The following BCORL1 variants were observed in gnomAD, a reference collection of about 807,000 sequenced individuals.
BCORL1 encodes BCL-6 corepressor-like protein 1.
BCORL1 carries 7 observed loss-of-function variants against 87.6 expected under a neutral mutation model. The observed-to-expected ratio is 0.08, with a 90% CI of 0.05 to 0.15. The LOEUF (loss-of-function observed/expected upper bound fraction) is 0.15. Ranked by LOEUF, BCORL1 falls within the 10% of genes least tolerant of loss-of-function variation. The probability of loss-of-function intolerance (pLI) is 1.00; values close to 1 mark genes in which losing one functional copy is unlikely to be tolerated. For synonymous variants in BCORL1, 591 were observed against 634.4 expected (o/e 0.93, Z 1.03); for missense variants, 1,215 against 1,499.7 (o/e 0.81, Z 3.13).
At chrX:129,983,277 G>T (rs1398729297) in intron 1 of BCORL1, among the ~76,000 whole-genome samples, 1 of 109,405 alleles carries the variant, frequency 9.1e-6, no homozygotes. Flanking sequence ...GTTGATCCTG[G>T]GGGGGAAACC....
At chrX:130,011,002 TAAAAAAAAAAAAAAA>T (rs1186630415) in intron 2 of BCORL1, among the ~76,000 whole-genome samples, 25 of 19,091 alleles carry the variant, frequency 1.3e-3, no homozygotes, top group East Asian at 5.5e-3. Context: ...AGATTCAATC[TAAAAAAAAAAAAAAA>T]AAAAAAAAAA....
chrX:130,029,128 G>C (rs963094207), intron 8 of BCORL1, among the ~76,000 whole-genome samples: 18 of 112,032 alleles, frequency 1.6e-4, no homozygotes, highest in Non-Finnish European at 3.2e-4. Context: ...CAGGATGTTA[G>C]CTTGAGTAGC....
rs1167221282 is a variant in BCORL1, at chrX:130,014,660, C to T, written c.1888C>T (p.Arg630Cys). 3 of 1,209,254 alleles carry T rather than the reference C, an allele frequency of 2.5e-6. No homozygotes were observed. The highest frequency in any genetic ancestry group is 3.0e-5 in the East Asian group (1 of 33,726). The change falls in exon 4 of 14, where the codon CGC (arginine) becomes TGC (cysteine). Residue 630 changes from arginine (R) to cysteine (C), a missense_variant. Physicochemically the swap from Arg to Cys is radical, Grantham distance 180. Around this residue, in one of 5 missense-constraint regions of BCORL1, gnomAD observed 861 missense variants for 1,010.0 expected, o/e 0.85. Transcript: ENST00000540052. ...MPLDLSSKSN[R>C]QKLPLPNQRK... ...CCTTGATCTGTCCTCCAAGTCCAACCGCCAGAAGCTTCCATTGCCGAACCA... is the reference window on the plus strand; with the variant it reads ...CCTTGATCTGTCCTCCAAGTCCAACTGCCAGAAGCTTCCATTGCCGAACCA...
At chrX:130,051,346 A>T (rs1485785598) in intron 12 of BCORL1, among the ~76,000 whole-genome samples, 2 of 111,240 alleles carry the variant, frequency 1.8e-5, no homozygotes, top group African/African-American at 6.5e-5. Context: ...GGAAACACCC[A>T]CTCCTACCCT....
intron 7 of BCORL1, 60 bp downstream of exon 7, chrX:130,025,439 G>A: frequency 9.4e-7 from 1 of 1,065,018 alleles, no homozygotes; most frequent in Non-Finnish European, 1.3e-6. Context: ...GGAACCCTCG[G>A]GCATCTCTAC....
intron 6 of BCORL1, 69 bp downstream of exon 6, chrX:130,023,046 G>C: frequency 1.0e-6 from 1 of 977,111 alleles, no homozygotes; most frequent in Middle Eastern, 2.6e-4. Flanking sequence ...ATCTGGTTGA[G>C]CAGTTTTACC....
chrX:130,023,717 T>C (rs1333338076), intron 6 of BCORL1, among the ~76,000 whole-genome samples: 3 of 112,499 alleles, frequency 2.7e-5, no homozygotes, highest in Non-Finnish European at 5.6e-5. Flanking sequence ...GTCCTCTGAA[T>C]TATCAAAGAG....
chrX:130,016,325 C>T, intron 4 of BCORL1, 112 bp downstream of exon 4: 1 of 947,775 alleles, frequency 1.1e-6, no homozygotes, highest in Non-Finnish European at 1.4e-6. Context: ...TGTTGGGCAG[C>T]TGTGTGAACT....
chrX:129,987,257 C>T (rs1926708371), intron 1 of BCORL1, among the ~76,000 whole-genome samples: 1 of 111,571 alleles, frequency 9.0e-6, no homozygotes, highest in African/African-American at 3.3e-5. Context: ...GAAATACAAG[C>T]ATATTTATCC....
chrX:130,021,673 T>G (rs1011103776), intron 5 of BCORL1, among the ~76,000 whole-genome samples: 19 of 111,829 alleles, frequency 1.7e-4, no homozygotes, highest in African/African-American at 6.2e-4. Flanking sequence ...GTTTTGCCAC[T>G]AATAGTTTCT....
intron 11 of BCORL1, among the ~76,000 whole-genome samples, chrX:130,041,209 A>G (rs1931287728): frequency 9.3e-6 from 1 of 107,194 alleles, no homozygotes; most frequent in Admixed American, 1.0e-4. Context: ...TGTCTCTACA[A>G]AAAAATTTAA....
intron 11 of BCORL1, among the ~76,000 whole-genome samples, chrX:130,047,847 G>A (rs1931851354): frequency 9.0e-6 from 1 of 111,565 alleles, no homozygotes; most frequent in African/African-American, 3.3e-5. Context: ...CATGGTCCCT[G>A]TCTTTTTAGA....
At chrX:130,034,712 G>T (rs1182333772) in intron 9 of BCORL1, 36 bp downstream of exon 9, 1 of 923,096 alleles carries the variant, frequency 1.1e-6, no homozygotes, top group Admixed American at 3.1e-5. Context: ...GGGCGCCGTT[G>T]GTCTGAGCAT....
intron 13 of BCORL1, among the ~76,000 whole-genome samples, chrX:130,055,405 A>G (rs1603186302): frequency 1.8e-5 from 2 of 112,821 alleles, no homozygotes; most frequent in African/African-American, 6.4e-5. Flanking sequence ...CAAGGAGGCC[A>G]GGGAAGCAAG....
At chrX:130,023,103 G>A in intron 6 of BCORL1, 126 bp downstream of exon 6, 1 of 585,370 alleles carries the variant, frequency 1.7e-6, no homozygotes, top group Non-Finnish European at 2.8e-6. Flanking sequence ...GTGCCACAAT[G>A]CCCAGCTCCT....
At position 130,015,195 on chromosome X, in the gene BCORL1, C is replaced by T. The variant is rs374822433; in HGVS notation, c.2423C>T (p.Thr808Met). The part of the protein sequence containing the change: ...QTKELSLWKP[T>M]GPANIYPRCS... ...AAGGAACTCTCTTTGTGGAAACCCA[C>T]GGGGCCGGCAAATATTTATCCCCGG... The change falls in exon 4 of 14, where the codon ACG becomes ATG. Residue 808 changes from threonine to methionine, a missense_variant. Physicochemically the swap from Thr to Met is moderately conservative, Grantham distance 81. Coordinates refer to ENST00000540052, the MANE Select transcript of BCORL1 (RefSeq NM_001379451.1). 2.6e-5 allele frequency: 32 copies of T among 1,210,868 alleles called. No individual in the cohort carries two copies. The highest frequency in any genetic ancestry group is 4.4e-5 in the Admixed American group (2 of 45,940).
chrX:130,011,673 G>C (rs1490586257), intron 2 of BCORL1, among the ~76,000 whole-genome samples: 1 of 94,969 alleles, frequency 1.1e-5, no homozygotes, highest in Non-Finnish European at 2.1e-5. Context: ...CTTTAAACAG[G>C]GGGAGATGCA....
intron 4 of BCORL1, among the ~76,000 whole-genome samples, chrX:130,018,419 A>G (rs1929586809): frequency 8.9e-6 from 1 of 112,139 alleles, no homozygotes; most frequent in African/African-American, 3.2e-5. Context: ...TAGCTCTATG[A>G]CTATACTAAA....
chrX:129,997,066 G>A (rs1170019331), intron 1 of BCORL1, among the ~76,000 whole-genome samples: 1 of 111,054 alleles, frequency 9.0e-6, no homozygotes. Context: ...TAATTGTTGT[G>A]AAATCTGCAT....
Sources: gnomAD v4.1 joint callset for allele counts (sites outside exome capture counted in the v4.1 genomes callset) on GRCh38, gnomAD v4.1.1 for gene constraint, gnomAD v4.1.1 regional missense constraint, MANE v1.5 for transcripts, NCBI Gene and HGNC (gene_info 2026-07-23, HGNC 2026-07-21) for gene names.